The following MCU variants were observed in gnomAD, a reference collection of about 807,000 sequenced individuals.
MCU encodes the protein mitochondrial calcium uniporter, also known as calcium uniporter protein, mitochondrial.
Under a neutral mutation model 45.2 loss-of-function variants are expected in MCU, and 12 were observed. That is an observed-to-expected ratio of 0.27 (90% CI 0.17 to 0.43). The LOEUF (loss-of-function observed/expected upper bound fraction) is 0.43. MCU is among the 20% of genes least tolerant of loss of function. MCU has a pLI of 1.00. For synonymous variants in MCU, 160 were observed against 165.1 expected (o/e 0.97, Z 0.24); for missense variants, 324 against 436.7 (o/e 0.74, Z 2.30).
At chr10:72,772,561 GTTC>G (rs1276155961) in intron 1 of MCU, among the ~76,000 whole-genome samples, 1 of 152,202 alleles carries the variant, frequency 6.6e-6, no homozygotes, top group African/African-American at 2.4e-5. Flanking sequence ...GCTGGGCGTG[GTTC>G]TGCACACCTG....
At chr10:72,883,591 A>C (rs1430372769) in intron 6 of MCU, among the ~76,000 whole-genome samples, 1 of 152,164 alleles carries the variant, frequency 6.6e-6, no homozygotes, top group African/African-American at 2.4e-5. Context: ...GTGATCTAAG[A>C]TTTCCACTCC....
At chr10:72,733,290 C>T (rs376574998) in intron 1 of MCU, among the ~76,000 whole-genome samples, 94 of 152,170 alleles carry the variant, frequency 6.2e-4, no homozygotes, top group African/African-American at 2.2e-3. Context: ...AACCCCATCT[C>T]TACTAAAGAT....
intron 1 of MCU, among the ~76,000 whole-genome samples, chr10:72,812,436 G>A (rs1261412477): frequency 6.6e-6 from 1 of 152,190 alleles, no homozygotes; most frequent in Admixed American, 6.5e-5. Flanking sequence ...ATGAGCCACT[G>A]CGCCCATACT....
chr10:72,714,838 G>A (rs566682645), intron 1 of MCU, among the ~76,000 whole-genome samples: 4 of 152,114 alleles, frequency 2.6e-5, no homozygotes, highest in East Asian at 1.9e-4. Flanking sequence ...GAGCCACTGC[G>A]CCCTGCCCAA....
intron 6 of MCU, among the ~76,000 whole-genome samples, chr10:72,872,725 T>TA (rs1482556366): frequency 6.6e-6 from 1 of 152,236 alleles, no homozygotes; most frequent in Admixed American, 6.5e-5. Flanking sequence ...GCGGTAAACA[T>TA]AGGAGTGCAG....
intron 6 of MCU, among the ~76,000 whole-genome samples, chr10:72,881,561 T>C (rs1845701286): frequency 6.6e-6 from 1 of 152,156 alleles, no homozygotes; most frequent in Non-Finnish European, 1.5e-5. Flanking sequence ...TTAATATCTG[T>C]TTATTAACAC....
intron 1 of MCU, among the ~76,000 whole-genome samples, chr10:72,754,231 G>A (rs1367923843): frequency 6.6e-6 from 1 of 152,114 alleles, no homozygotes; most frequent in Non-Finnish European, 1.5e-5. Flanking sequence ...CAGAATTTCA[G>A]CCTTATTTTG....
chr10:72,772,763 A>G (rs758076727), intron 1 of MCU, among the ~76,000 whole-genome samples: 1 of 152,208 alleles, frequency 6.6e-6, no homozygotes, highest in African/African-American at 2.4e-5. Context: ...CTTCAAAGAC[A>G]TAGAAGGTAT....
chr10:72,714,796 T>C (rs1487323943), intron 1 of MCU, among the ~76,000 whole-genome samples: 3 of 150,666 alleles, frequency 2.0e-5, no homozygotes, highest in East Asian at 1.9e-4. Flanking sequence ...TGCCCCCCCC[T>C]TGGCCTCCCA....
chr10:72,762,559 A>G (rs1843670134), intron 1 of MCU, among the ~76,000 whole-genome samples: 1 of 152,182 alleles, frequency 6.6e-6, no homozygotes, highest in African/African-American at 2.4e-5. Context: ...GAAATGTGAA[A>G]GGAACTCATA....
chr10:72,815,546 T>A (rs1564565255), intron 1 of MCU, among the ~76,000 whole-genome samples: 1 of 152,194 alleles, frequency 6.6e-6, no homozygotes, highest in Non-Finnish European at 1.5e-5. Context: ...TACCTTAGCT[T>A]TCTCTTTAGC....
At position 72,832,630 on chromosome 10, in the gene MCU, A is replaced by C. The variant is rs528906872; in HGVS notation, c.151-1729A>C. 5.4e-4 allele frequency among the ~76,000 whole-genome samples: 82 copies of C among 152,334 alleles called. 3 individuals carry two copies. The South Asian group carries it at 0.017, about 32-fold the overall frequency. Reference sequence around the variant, plus strand: ...TGGAAAAAATCAAAATCCTTTTTTAACCCATGAAGTTAATACCTCAAAACA... The same window carrying C: ...TGGAAAAAATCAAAATCCTTTTTTACCCCATGAAGTTAATACCTCAAAACA... On this transcript the variant is annotated intron_variant, in intron 1 of 7. Coordinates refer to ENST00000373053, the MANE Select transcript of MCU (RefSeq NM_138357.3).
At chr10:72,875,852 G>A (rs1471310875) in intron 6 of MCU, among the ~76,000 whole-genome samples, 5 of 152,226 alleles carry the variant, frequency 3.3e-5, no homozygotes, top group African/African-American at 7.2e-5. Context: ...CTGTGTCAGC[G>A]TGCAGGTGGA....
intron 1 of MCU, chr10:72,714,996 AAGGTCTTTTC>A (rs1352805306): frequency 6.0e-6 from 1 of 167,150 alleles, no homozygotes; most frequent in African/African-American, 2.4e-5. Flanking sequence ...TGACTTAAAC[AAGGTCTTTTC>A]AGACTTTCTT....
Position 72,706,315 on chromosome 10 carries a change from A to G in MCU, c.150+14014A>G, listed in dbSNP as rs138629763. ...CCCTGTACATTAGAAATATAGATATATGAGATTCCTACTGCTTCTGCTGCT... is the reference window on the plus strand; with the variant it reads ...CCCTGTACATTAGAAATATAGATATGTGAGATTCCTACTGCTTCTGCTGCT... On this transcript the variant is annotated intron_variant, in intron 1 of 7. Transcript: ENST00000373053. Among the ~76,000 whole-genome samples, 3 of 152,046 alleles carry G rather than the reference A, an allele frequency of 2.0e-5. No homozygotes were observed. The East Asian group carries it at 5.8e-4, about 29-fold the overall frequency.
In MCU at chr10:72,847,274, C is replaced by T. The variant is rs561521108; in HGVS notation, c.221-11903C>T. On this transcript the variant is annotated intron_variant, in intron 2 of 7. Coordinates refer to ENST00000373053, the MANE Select transcript of MCU (RefSeq NM_138357.3). ...TAAGGCATGAGCCACCGCACCTGTC[C>T]TGTATAATGATTTCTGATCAAGTTG... Among the ~76,000 whole-genome samples the T allele has an allele frequency of 2.7e-4, 41 of 152,322 alleles. No individual in the cohort carries two copies. In the South Asian group the frequency reaches 3.5e-3, roughly 13 times the overall value.
At chr10:72,697,628 G>C (rs1468217412) in intron 1 of MCU, among the ~76,000 whole-genome samples, 1 of 151,640 alleles carries the variant, frequency 6.6e-6, no homozygotes, top group Non-Finnish European at 1.5e-5. Context: ...TAGAGACGGG[G>C]TTTCACCATG....
chr10:72,758,321 A>G (rs1202453386), intron 1 of MCU, among the ~76,000 whole-genome samples: 1 of 152,190 alleles, frequency 6.6e-6, no homozygotes, highest in African/African-American at 2.4e-5. Context: ...CTACAGCCAC[A>G]TGCCATTGCA....
intron 4 of MCU, among the ~76,000 whole-genome samples, chr10:72,865,879 C>A (rs960751015): frequency 6.6e-6 from 1 of 151,368 alleles, no homozygotes; most frequent in African/African-American, 2.4e-5. Flanking sequence ...TGGGTTCATG[C>A]CATTCTGCTG....
Sources: gnomAD v4.1 joint callset for allele counts (sites outside exome capture counted in the v4.1 genomes callset) on GRCh38, gnomAD v4.1.1 for gene constraint, MANE v1.5 for transcripts, NCBI Gene and HGNC (gene_info 2026-07-23, HGNC 2026-07-21) for gene names.